BLTP1: variants seen among roughly 807,000 people sequenced by gnomAD.
BLTP1 encodes the protein fragile site-associated protein.
the BLTP1 span, chr4:122,226,406 G>A: frequency 2.7e-6 from 3 of 1,091,762 alleles, no homozygotes; most frequent in South Asian, 8.9e-5. Context: ...TAAGAGGGAA[G>A]ATATATAACC....
chr4:122,358,098 T>C, the BLTP1 span, among the ~76,000 whole-genome samples: 13 of 152,208 alleles, frequency 8.5e-5, no homozygotes, highest in Non-Finnish European at 1.6e-4. Context: ...GATAAAATCT[T>C]CACATACAGC....
the BLTP1 span, chr4:122,306,739 A>G: frequency 1.1e-6 from 1 of 895,516 alleles, no homozygotes; most frequent in Non-Finnish European, 1.3e-6. Context: ...TCATAGAAGA[A>G]AATAATGGGA....
At chr4:122,224,556 A>T in the BLTP1 span, 1 of 1,614,010 alleles carries the variant, frequency 6.2e-7, no homozygotes, top group Non-Finnish European at 8.5e-7. Context: ...TCAGGTCTCC[A>T]GCTGAGAGCA....
chr4:122,300,006 T>C, the BLTP1 span: 3 of 873,242 alleles, frequency 3.4e-6, no homozygotes, highest in Non-Finnish European at 4.1e-6. Context: ...AAAATACAAA[T>C]ATATATTTTT....
At chr4:122,209,924 TGTAA>T in the BLTP1 span, 2 of 1,612,046 alleles carry the variant, frequency 1.2e-6, no homozygotes. Context: ...GAAACAATCA[TGTAA>T]GTGTTTTTAT....
the BLTP1 span, chr4:122,249,610 C>T: frequency 3.7e-6 from 6 of 1,613,588 alleles, no homozygotes; most frequent in Non-Finnish European, 5.1e-6. Context: ...AGATGTAACT[C>T]GAATAGGTCC....
At chr4:122,255,135 A>C in the BLTP1 span, 1 of 1,603,186 alleles carries the variant, frequency 6.2e-7, no homozygotes. Context: ...TTTTAGAATA[A>C]AAGTGTACAT....
chr4:122,286,765 T>C, the BLTP1 span: 5 of 1,613,010 alleles, frequency 3.1e-6, no homozygotes, highest in Non-Finnish European at 3.4e-6. Context: ...ACAGGGAAAT[T>C]ATCTGCGTTG....
chr4:122,236,728 A>C, the BLTP1 span: 4 of 927,472 alleles, frequency 4.3e-6, no homozygotes, highest in Non-Finnish European at 5.1e-6. Context: ...TGAAATGAGG[A>C]AAATAGTAAA....
At chr4:122,334,880 C>T in the BLTP1 span, among the ~76,000 whole-genome samples, 1 of 152,144 alleles carries the variant, frequency 6.6e-6, no homozygotes, top group African/African-American at 2.4e-5. Flanking sequence ...CTTGAGAGTA[C>T]ATTGGGTTTA....
the BLTP1 span, among the ~76,000 whole-genome samples, chr4:122,294,761 C>T: frequency 6.6e-6 from 1 of 152,146 alleles, no homozygotes; most frequent in Non-Finnish European, 1.5e-5. Flanking sequence ...TGGGCTGAGG[C>T]TAAGATGGCT....
At chr4:122,331,491 A>T in the BLTP1 span, 3 of 1,611,482 alleles carry the variant, frequency 1.9e-6, no homozygotes, top group Admixed American at 5.0e-5. Flanking sequence ...GAAAATGTGT[A>T]CTCCACCCAA....
the BLTP1 span, chr4:122,251,246 A>G: frequency 2.8e-5 from 25 of 891,130 alleles, no homozygotes; most frequent in Non-Finnish European, 3.2e-5. Context: ...TTAGCTCAGT[A>G]TGTAGTATGT....
the BLTP1 span, chr4:122,190,237 C>T: frequency 4.8e-6 from 3 of 618,778 alleles, no homozygotes; most frequent in Admixed American, 1.3e-4. Flanking sequence ...GCTAAGATGA[C>T]AGGAATATGC....
the BLTP1 span, chr4:122,304,544 T>G: frequency 5.8e-6 from 1 of 171,132 alleles, no homozygotes; most frequent in South Asian, 1.9e-4. Flanking sequence ...TGTACAATGT[T>G]TTTTAGACAT....
the BLTP1 span, among the ~76,000 whole-genome samples, chr4:122,195,991 T>C: frequency 6.6e-6 from 1 of 152,210 alleles, no homozygotes; most frequent in East Asian, 1.9e-4. Context: ...AGACTCTGAA[T>C]TGAAAATATC....
chr4:122,226,937 C>T, the BLTP1 span: 1 of 806,316 alleles, frequency 1.2e-6, no homozygotes, highest in African/African-American at 1.8e-5. Context: ...AGCCATGCAG[C>T]AAACTACAGT....
the BLTP1 span, chr4:122,263,972 C>A: frequency 2.3e-6 from 1 of 429,388 alleles, no homozygotes; most frequent in Non-Finnish European, 3.1e-6. Context: ...TCATTCTAAA[C>A]CTTTAGTTAC....
the BLTP1 span, chr4:122,205,025 TAA>T: frequency 1.3e-5 from 2 of 154,380 alleles, no homozygotes; most frequent in African/African-American, 4.8e-5. Flanking sequence ...CATTTGACAT[TAA>T]GTATGTTATT....
Sources: allele counts gnomAD v4.1 joint callset (sites outside exome capture counted in the v4.1 genomes callset), GRCh38; gene constraint gnomAD v4.1.1; transcripts MANE v1.5; gene names NCBI Gene and HGNC (gene_info 2026-07-23, HGNC 2026-07-21).